Variants in RANBP2 observed in about 807,000 individuals in gnomAD.
RANBP2 encodes the protein E3 SUMO-protein ligase RanBP2.
Under a neutral mutation model 303.6 loss-of-function variants are expected in RANBP2, and 57 were observed. The ratio of observed to expected loss-of-function variants is 0.19; its 90% CI spans 0.15 to 0.23. The LOEUF (loss-of-function observed/expected upper bound fraction) is 0.23, where lower values mean the gene tolerates loss of function less well. Among genes scored for constraint, RANBP2 ranks in the 10% least tolerant of loss-of-function variants. RANBP2 has a pLI of 1.00. For synonymous variants in RANBP2, 1,167 were observed against 1,301.5 expected (o/e 0.90, Z 2.23); for missense variants, 3,138 against 3,780.8 (o/e 0.83, Z 4.46).
At chr2:109,449,499 C>G in the RANBP2 span, 11 of 1,612,488 alleles carry the variant, frequency 6.8e-6, no homozygotes, top group Non-Finnish European at 9.3e-6. Flanking sequence ...GGTAAGAGGC[C>G]CATCCTGGAC....
At chr2:109,377,826 C>T in the RANBP2 span, among the ~76,000 whole-genome samples, 1 of 152,182 alleles carries the variant, frequency 6.6e-6, no homozygotes, top group Non-Finnish European at 1.5e-5. Context: ...CTCCTTGTCA[C>T]TTTATCTTTT....
the RANBP2 span, among the ~76,000 whole-genome samples, chr2:108,849,935 G>A: frequency 6.6e-6 from 1 of 152,200 alleles, no homozygotes; most frequent in Non-Finnish European, 1.5e-5. Context: ...GGCAGGTGGG[G>A]TGTGCCTGCA....
At chr2:109,282,350 A>C in the RANBP2 span, among the ~76,000 whole-genome samples, 12 of 152,220 alleles carry the variant, frequency 7.9e-5, no homozygotes, top group Admixed American at 7.8e-4. Flanking sequence ...AAAAAAATCT[A>C]CCCCAGGGGA....
At chr2:109,002,334 T>C in the RANBP2 span, among the ~76,000 whole-genome samples, 1 of 152,166 alleles carries the variant, frequency 6.6e-6, no homozygotes, top group Non-Finnish European at 1.5e-5. Flanking sequence ...CTTGCTAGGC[T>C]CTTAGGTTTA....
chr2:109,500,495 C>T, the RANBP2 span, among the ~76,000 whole-genome samples: 1 of 152,132 alleles, frequency 6.6e-6, no homozygotes, highest in South Asian at 2.1e-4. Flanking sequence ...GGTCTGAAGA[C>T]AGGGACTCCA....
the RANBP2 span, among the ~76,000 whole-genome samples, chr2:109,244,546 T>A: frequency 6.6e-6 from 1 of 152,166 alleles, no homozygotes; most frequent in African/African-American, 2.4e-5. Context: ...TTTGGAACTG[T>A]TTTTAAGATG....
chr2:109,489,326 C>A, the RANBP2 span, among the ~76,000 whole-genome samples: 2 of 152,344 alleles, frequency 1.3e-5, no homozygotes, highest in Admixed American at 6.5e-5. Flanking sequence ...CAGCCACAGG[C>A]CCCCAGACCC....
Position 108,751,877 on chromosome 2 carries a change from A to C in RANBP2, c.1638A>C (p.Gly546=). 6.2e-7 allele frequency: 1 copy of C among 1,611,996 alleles called. No homozygotes were observed. The highest frequency in any genetic ancestry group is 8.5e-7 in the Non-Finnish European group (1 of 1,179,862). The change falls in exon 12 of 29, where the codon GGA becomes GGC. Residue 546 remains glycine (G), a synonymous_variant. Coordinates refer to ENST00000283195, the MANE Select transcript of RANBP2 (RefSeq NM_006267.5). ...AAATTGAACTATTTTTTAGACCTGG[A>C]AACGTAGCAAAATTGAGACTTCTAG... ...CTLIHRKAVP[G]NVAKLRLLVQ...
the RANBP2 span, among the ~76,000 whole-genome samples, chr2:108,859,812 A>AT: frequency 5.2e-4 from 75 of 145,612 alleles, no homozygotes; most frequent in Admixed American, 6.8e-4. Context: ...TGAATTTTCA[A>AT]TTTTTTTTTT....
the RANBP2 span, chr2:108,812,801 C>T: frequency 3.1e-6 from 5 of 1,610,546 alleles, no homozygotes; most frequent in East Asian, 2.2e-5. Context: ...CTTTAATTCA[C>T]GCATATATAC....
the RANBP2 span, among the ~76,000 whole-genome samples, chr2:108,956,866 G>A: frequency 3.3e-5 from 5 of 151,490 alleles, no homozygotes; most frequent in East Asian, 3.9e-4. Context: ...TCAGCACACC[G>A]CAACCTCCAC....
At chr2:109,144,274 A>T in the RANBP2 span, among the ~76,000 whole-genome samples, 2 of 152,278 alleles carry the variant, frequency 1.3e-5, no homozygotes, top group South Asian at 4.1e-4. Context: ...TCAAATTATC[A>T]CTTGTATACC....
the RANBP2 span, among the ~76,000 whole-genome samples, chr2:109,265,109 C>A: frequency 1.3e-5 from 2 of 151,964 alleles, no homozygotes; most frequent in African/African-American, 4.8e-5. Context: ...CCACTTGAGG[C>A]GTTGCGAAAT....
the RANBP2 span, among the ~76,000 whole-genome samples, chr2:109,638,888 G>A: frequency 6.6e-6 from 1 of 152,198 alleles, no homozygotes; most frequent in Admixed American, 6.5e-5. Context: ...AACCCCCTGA[G>A]ATGATGCTTC....
the RANBP2 span, chr2:108,798,708 T>TAC: frequency 0.022 from 9,311 of 428,674 alleles, 465 homozygotes; most frequent in African/African-American, 0.15. Flanking sequence ...TCTCCACGCC[T>TAC]ACACACACAC....
chr2:109,333,836 TC>T, the RANBP2 span, among the ~76,000 whole-genome samples: 2 of 152,154 alleles, frequency 1.3e-5, no homozygotes, highest in Non-Finnish European at 2.9e-5. Context: ...TAATAATATC[TC>T]CATTATAATA....
At chr2:108,923,354 A>G in the RANBP2 span, 312 of 1,613,298 alleles carry the variant, frequency 1.9e-4, 1 homozygote, top group African/African-American at 3.4e-3. Context: ...TGGTGGAAGG[A>G]CAAAGACACT....
chr2:109,275,958 G>A, the RANBP2 span, among the ~76,000 whole-genome samples: 8 of 152,258 alleles, frequency 5.3e-5, no homozygotes, highest in South Asian at 6.2e-4. Flanking sequence ...TATAGCCCAC[G>A]TCATGTGCAG....
chr2:109,563,940 G>GT, the RANBP2 span, among the ~76,000 whole-genome samples: 1 of 152,140 alleles, frequency 6.6e-6, no homozygotes, highest in Admixed American at 6.6e-5. Context: ...GGGCAACATA[G>GT]TAAGACCCTG....
Sources: gnomAD v4.1 joint callset for allele counts (sites outside exome capture counted in the v4.1 genomes callset) on GRCh38, gnomAD v4.1.1 for gene constraint, MANE v1.5 for transcripts, NCBI Gene and HGNC (gene_info 2026-07-23, HGNC 2026-07-21) for gene names.